Variants in TBCK observed in about 807,000 individuals in gnomAD.
TBCK encodes the protein TBC domain-containing protein kinase-like protein.
Under a neutral mutation model 113.4 loss-of-function variants are expected in TBCK, and 99 were observed. The observed-to-expected ratio is 0.87, with a 90% CI of 0.74 to 1.03. TBCK has a LOEUF of 1.03. Ranked by LOEUF, TBCK falls within the 50% of genes least tolerant of loss-of-function variation. The pLI, the probability that TBCK is intolerant of heterozygous loss-of-function variation, is 0.00. For missense variants in TBCK, 1,045 were observed against 1,061.3 expected (o/e 0.98, Z 0.21); for synonymous variants, 369 against 370.8 (o/e 1.00, Z 0.05).
At chr4:106,282,594 T>C (rs1252076247) in intron 3 of TBCK, among the ~76,000 whole-genome samples, 1 of 152,168 alleles carries the variant, frequency 6.6e-6, no homozygotes, top group East Asian at 1.9e-4. Context: ...TTTGGTATAT[T>C]GTGTTTTCAT....
chr4:106,289,074 A>G (rs1439211143), intron 3 of TBCK, among the ~76,000 whole-genome samples: 6 of 152,232 alleles, frequency 3.9e-5, no homozygotes, highest in Non-Finnish European at 7.3e-5. Context: ...AGAATTATCA[A>G]TCTGTACCAT....
In TBCK at chr4:106,308,921, A is replaced by G; in HGVS notation, c.40T>C (p.Phe14Leu). ...TCATGTGGCAGAGCCGAGGCAAAGAAGGTAAAGGCTCCCATTTCAGCGTCC... is the reference window on the plus strand; with the variant it reads ...TCATGTGGCAGAGCCGAGGCAAAGAGGGTAAAGGCTCCCATTTCAGCGTCC... ...LKDAEMGAFT[F>L]FASALPHDVC... The change falls in exon 2 of 26, where the codon TTC becomes CTC. Residue 14 changes from phenylalanine (F) to leucine (L), a missense_variant. Coordinates refer to ENST00000394708, the MANE Select transcript of TBCK (RefSeq NM_001163435.3). The G allele has an allele frequency of 6.2e-7, 1 of 1,614,136 alleles. No homozygotes were observed. The highest frequency in any genetic ancestry group is 8.5e-7 in the Non-Finnish European group (1 of 1,180,014).
chr4:106,266,360 T>C (rs1762996178), intron 3 of TBCK, among the ~76,000 whole-genome samples: 1 of 151,806 alleles, frequency 6.6e-6, no homozygotes, highest in Non-Finnish European at 1.5e-5. Flanking sequence ...ACTGATGCCA[T>C]ATTCAGCTAT....
intron 23 of TBCK, among the ~76,000 whole-genome samples, chr4:106,168,124 T>C (rs893544149): frequency 3.3e-5 from 5 of 151,878 alleles, no homozygotes; most frequent in Non-Finnish European, 1.5e-5. Flanking sequence ...AATCCAACAA[T>C]GTATAAAACA....
At chr4:106,289,497 G>A (rs926730492) in intron 3 of TBCK, among the ~76,000 whole-genome samples, 10 of 152,056 alleles carry the variant, frequency 6.6e-5, no homozygotes, top group East Asian at 3.9e-4. Flanking sequence ...TCAGCCAGGC[G>A]CGGTGGCTCA....
At chr4:106,197,371 CAGA>C (rs943791611) in intron 20 of TBCK, among the ~76,000 whole-genome samples, 57 of 124,594 alleles carry the variant, frequency 4.6e-4, no homozygotes, top group African/African-American at 1.8e-3. Context: ...TGTGTGTACA[CAGA>C]AAACATATCT....
Position 106,241,214 on chromosome 4 carries a change from T to C in TBCK, c.1170+1256A>G, listed in dbSNP as rs1026223769. Among the ~76,000 whole-genome samples the C allele has an allele frequency of 2.6e-5, 4 of 151,790 alleles. No individual in the cohort carries two copies. The East Asian group carries it at 5.8e-4, about 22-fold the overall frequency. ...CCTTAGAAATAAATCTGATAACTGA[T>C]ATACAGACATTAAAAATAAAATTGT... On this transcript the variant is annotated intron_variant, in intron 12 of 25. Coordinates refer to ENST00000394708, the MANE Select transcript of TBCK (RefSeq NM_001163435.3).
At chr4:106,059,938 T>C (rs1018918811) in intron 25 of TBCK, among the ~76,000 whole-genome samples, 8 of 151,756 alleles carry the variant, frequency 5.3e-5, no homozygotes, top group South Asian at 2.1e-4. Flanking sequence ...AAAGTTTTTG[T>C]GGTCTGGATA....
chr4:106,079,439 A>G (rs1195615732), intron 25 of TBCK, among the ~76,000 whole-genome samples: 3 of 152,206 alleles, frequency 2.0e-5, no homozygotes, highest in South Asian at 4.1e-4. Context: ...GATGCTGCCA[A>G]TAGGCTTTTA....
chr4:106,194,818 A>G, intron 20 of TBCK, 64 bp from the exon 21 acceptor site: 2 of 1,341,684 alleles, frequency 1.5e-6, no homozygotes, highest in Non-Finnish European at 2.1e-6. Context: ...AATTAGAATG[A>G]TTACCAATAA....
chr4:106,151,087 T>C (rs1316541797), intron 23 of TBCK, among the ~76,000 whole-genome samples: 1 of 152,036 alleles, frequency 6.6e-6, no homozygotes, highest in Non-Finnish European at 1.5e-5. Context: ...AGTACGTAAA[T>C]ATATTTATGC....
rs115256182 is a variant in TBCK at position 106,183,309 on chromosome 4, T to A, written c.2059+10300A>T. ...AATAATATCCAATTTCCTCAGCATA[T>A]CATGCAAGGCCCCCATAACCATTCC... On this transcript the variant is annotated intron_variant, in intron 22 of 25. Coordinates refer to ENST00000394708, the MANE Select transcript of TBCK (RefSeq NM_001163435.3). 3.0e-3 allele frequency among the ~76,000 whole-genome samples: 460 copies of A among 152,056 alleles called. 2 individuals are homozygous for A. Among genetic ancestry groups the A allele is most frequent in the South Asian group, 8.1e-3 (39 of 4,818 alleles).
intron 25 of TBCK, among the ~76,000 whole-genome samples, chr4:106,078,361 A>T (rs72962516): frequency 0.027 from 4,179 of 152,260 alleles, 188 homozygotes; most frequent in African/African-American, 0.096. Flanking sequence ...GGTTCTTCAA[A>T]AGATGAAACA....
chr4:106,170,358 C>G (rs1186634307), intron 23 of TBCK, among the ~76,000 whole-genome samples: 2 of 152,004 alleles, frequency 1.3e-5, no homozygotes, highest in African/African-American at 4.8e-5. Context: ...GTTTCCCTCT[C>G]TATCATCTGT....
intron 19 of TBCK, among the ~76,000 whole-genome samples, chr4:106,227,689 T>C (rs989832280): frequency 6.6e-6 from 1 of 151,954 alleles, no homozygotes; most frequent in African/African-American, 2.4e-5. Flanking sequence ...AAGAATTATA[T>C]ATAGTTAAAA....
intron 20 of TBCK, among the ~76,000 whole-genome samples, chr4:106,198,862 C>T (rs1486256521): frequency 1.3e-5 from 2 of 152,022 alleles, no homozygotes; most frequent in East Asian, 1.9e-4. Flanking sequence ...CTATTAAGTA[C>T]GACAATACAA....
intron 22 of TBCK, 46 bp downstream of exon 22, chr4:106,193,563 T>G: frequency 6.2e-7 from 1 of 1,602,920 alleles, no homozygotes; most frequent in Non-Finnish European, 8.5e-7. Flanking sequence ...TGTCATTATT[T>G]CATAGTCAAA....
chr4:106,215,311 G>C (rs1000362463), intron 19 of TBCK, among the ~76,000 whole-genome samples: 3 of 150,878 alleles, frequency 2.0e-5, no homozygotes, highest in African/African-American at 7.3e-5. Flanking sequence ...CATCAACTAA[G>C]GAGCAAAATA....
At position 106,207,338 on chromosome 4, in the gene TBCK, T is replaced by C. The variant is rs533336326; in HGVS notation, c.1860+5412A>G. On this transcript the variant is annotated intron_variant, in intron 20 of 25. Coordinates refer to ENST00000394708, the MANE Select transcript of TBCK (RefSeq NM_001163435.3). The stretch of plus-strand genomic sequence containing the variant: ...GCAATGGAAGCCTGAATTTCAATGA[T>C]GAAAGATTAATGAGGGCTTACTTTG... 1.1e-3 allele frequency among the ~76,000 whole-genome samples: 161 copies of C among 152,286 alleles called. No homozygotes were observed. The Middle Eastern group carries it at 0.014, about 13-fold the overall frequency.
Sources: gnomAD v4.1 joint callset for allele counts (sites outside exome capture counted in the v4.1 genomes callset) on GRCh38, gnomAD v4.1.1 for gene constraint, MANE v1.5 for transcripts, NCBI Gene and HGNC (gene_info 2026-07-23, HGNC 2026-07-21) for gene names.